Variants in ST8SIA4 observed in about 807,000 individuals in gnomAD.
ST8SIA4 encodes the protein CMP-N-acetylneuraminate-poly-alpha-2,8-sialyltransferase.
A neutral mutation model predicts 33.9 loss-of-function variants in ST8SIA4; 15 were observed. That is an observed-to-expected ratio of 0.44 (90% confidence interval 0.30 to 0.68). ST8SIA4 has a LOEUF of 0.68. Among genes scored for constraint, ST8SIA4 ranks in the 30% least tolerant of loss-of-function variants. ST8SIA4 has a pLI of 0.10. For missense variants in ST8SIA4, 321 were observed against 428.0 expected (o/e 0.75, Z 2.21); for synonymous variants, 171 against 151.2 (o/e 1.13, Z -0.96).
intron 3 of ST8SIA4, among the ~76,000 whole-genome samples, chr5:100,874,277 A>C (rs1244382481): frequency 6.6e-6 from 1 of 152,162 alleles, no homozygotes; most frequent in Admixed American, 6.5e-5. Context: ...GAGCAATTCT[A>C]TCACTCTGTG....
At chr5:100,899,340 G>A (rs1355804258) in intron 1 of ST8SIA4, among the ~76,000 whole-genome samples, 1 of 152,148 alleles carries the variant, frequency 6.6e-6, no homozygotes, top group Non-Finnish European at 1.5e-5. Context: ...ATGAGTTTTA[G>A]TAGAATTGTG....
intron 1 of ST8SIA4, among the ~76,000 whole-genome samples, chr5:100,896,848 G>A (rs1042211047): frequency 2.6e-5 from 4 of 152,112 alleles, no homozygotes; most frequent in African/African-American, 9.7e-5. Context: ...TTTACAGAAG[G>A]CATATATGCA....
intron 3 of ST8SIA4, among the ~76,000 whole-genome samples, chr5:100,871,111 T>C (rs1055627671): frequency 5.9e-5 from 9 of 151,988 alleles, no homozygotes; most frequent in African/African-American, 2.2e-4. Context: ...TCTGTGAGAG[T>C]AGAAGGATAA....
chr5:100,882,678 AT>A (rs1459777840), intron 3 of ST8SIA4, among the ~76,000 whole-genome samples: 4 of 152,104 alleles, frequency 2.6e-5, no homozygotes, highest in Non-Finnish European at 5.9e-5. Context: ...TGGGCCCAGG[AT>A]CCCTGTGTGC....
chr5:100,840,285 C>T (rs928180713), intron 4 of ST8SIA4, among the ~76,000 whole-genome samples: 1 of 151,698 alleles, frequency 6.6e-6, no homozygotes, highest in Non-Finnish European at 1.5e-5. Context: ...GCAGAGAATA[C>T]ATACAGTTGT....
intron 4 of ST8SIA4, chr5:100,816,399 G>A (rs1341485530): frequency 2.1e-6 from 1 of 473,194 alleles, no homozygotes; most frequent in East Asian, 6.3e-5. Context: ...TTGATACTAA[G>A]GAGAGCTCAC....
intron 3 of ST8SIA4, among the ~76,000 whole-genome samples, chr5:100,865,250 C>A (rs1752037754): frequency 6.6e-6 from 1 of 152,152 alleles, no homozygotes; most frequent in Admixed American, 6.6e-5. Context: ...TCAATTTTTG[C>A]TTCTGTAGTG....
chr5:100,829,894 C>T (rs1280489895), intron 4 of ST8SIA4, among the ~76,000 whole-genome samples: 1 of 141,310 alleles, frequency 7.1e-6, no homozygotes, highest in Admixed American at 7.4e-5. Flanking sequence ...GGCGACAGAG[C>T]GAGACTCCGT....
intron 3 of ST8SIA4, among the ~76,000 whole-genome samples, chr5:100,859,090 A>G (rs1463763499): frequency 6.6e-6 from 1 of 152,114 alleles, no homozygotes; most frequent in African/African-American, 2.4e-5. Context: ...AAAAGAAAGC[A>G]TTAAAAAATC....
chr5:100,841,436 A>C (rs1369163264), intron 4 of ST8SIA4, among the ~76,000 whole-genome samples: 5 of 151,858 alleles, frequency 3.3e-5, no homozygotes, highest in Non-Finnish European at 5.9e-5. Context: ...AATCAAATGG[A>C]AACACTTCAG....
At chr5:100,831,796 A>C (rs1445756588) in intron 4 of ST8SIA4, among the ~76,000 whole-genome samples, 6 of 152,108 alleles carry the variant, frequency 3.9e-5, no homozygotes, top group African/African-American at 1.4e-4. Flanking sequence ...GGCTCAAAAA[A>C]TATATATTTT....
chr5:100,882,449 A>C (rs558435991), intron 3 of ST8SIA4, among the ~76,000 whole-genome samples: 1 of 152,362 alleles, frequency 6.6e-6, no homozygotes, highest in East Asian at 1.9e-4. Flanking sequence ...GAATAAAATA[A>C]AAGTTTGGAA....
intron 4 of ST8SIA4, among the ~76,000 whole-genome samples, chr5:100,833,244 A>T (rs888233625): frequency 6.6e-6 from 1 of 152,160 alleles, no homozygotes; most frequent in Non-Finnish European, 1.5e-5. Context: ...GTAGAGGAAG[A>T]CAATAAATCT....
intron 3 of ST8SIA4, among the ~76,000 whole-genome samples, chr5:100,865,567 AATG>A (rs1752043266): frequency 1.3e-5 from 2 of 152,148 alleles, no homozygotes; most frequent in Non-Finnish European, 2.9e-5. Context: ...TGACTATCCC[AATG>A]ATATTTCAAA....
chr5:100,835,245 G>A (rs1185537253), intron 4 of ST8SIA4, among the ~76,000 whole-genome samples: 3 of 152,034 alleles, frequency 2.0e-5, no homozygotes, highest in Non-Finnish European at 4.4e-5. Flanking sequence ...ATCATATGGA[G>A]AGTTAATCAA....
intron 4 of ST8SIA4, among the ~76,000 whole-genome samples, chr5:100,819,168 G>C (rs1750988910): frequency 6.6e-6 from 1 of 152,114 alleles, no homozygotes; most frequent in African/African-American, 2.4e-5. Context: ...TGCAGTTGTG[G>C]CTCAAGAAGT....
chr5:100,834,789 T>A (rs533886239), intron 4 of ST8SIA4, among the ~76,000 whole-genome samples: 1 of 152,246 alleles, frequency 6.6e-6, no homozygotes, highest in East Asian at 1.9e-4. Flanking sequence ...TGAGAGCCTG[T>A]CCCACTTTGC....
intron 3 of ST8SIA4, among the ~76,000 whole-genome samples, chr5:100,858,542 C>T (rs369094801): frequency 5.3e-5 from 8 of 152,144 alleles, no homozygotes; most frequent in African/African-American, 1.9e-4. Context: ...AAACATCCCA[C>T]CCCCTATCCG....
chr5:100,836,494 A>C (rs1226645271), intron 4 of ST8SIA4, among the ~76,000 whole-genome samples: 2 of 152,054 alleles, frequency 1.3e-5, no homozygotes, highest in African/African-American at 2.4e-5. Flanking sequence ...ATAAAAATAC[A>C]TAGAAAAGAA....
Sources: allele counts gnomAD v4.1 joint callset (sites outside exome capture counted in the v4.1 genomes callset), GRCh38; gene constraint gnomAD v4.1.1; transcripts MANE v1.5; gene names NCBI Gene and HGNC (gene_info 2026-07-23, HGNC 2026-07-21).